The following TEX15 variants were observed in gnomAD, a reference collection of about 807,000 sequenced individuals.
The protein encoded by TEX15 is testis-expressed protein 15.
In TEX15, 171 loss-of-function variants were observed where a neutral mutation model predicts 237.3. The ratio of observed to expected loss-of-function variants is 0.72; its 90% CI spans 0.64 to 0.82. The LOEUF is 0.82. Among genes scored for constraint, TEX15 ranks in the 40% least tolerant of loss-of-function variants. TEX15 has a pLI of 0.00. For synonymous variants in TEX15, 1,338 were observed against 1,269.8 expected, an observed-to-expected ratio of 1.05 and a Z score of -1.14; for missense variants, 3,750 against 3,646.5, an observed-to-expected ratio of 1.03 and a Z score of -0.73.
intron 2 of TEX15, among the ~76,000 whole-genome samples, chr8:30,898,224 C>T (rs535304041): frequency 6.6e-6 from 1 of 152,236 alleles, no homozygotes; most frequent in South Asian, 2.1e-4. Flanking sequence ...CTCGTGCCCC[C>T]GTGAAACTCA....
At chr8:30,879,074 C>T (rs540395274) in intron 3 of TEX15, among the ~76,000 whole-genome samples, 32 of 151,694 alleles carry the variant, frequency 2.1e-4, no homozygotes, top group Middle Eastern at 3.4e-3. Context: ...TCAGTGTATT[C>T]TCTCTGGTGA....
rs765866577 is a variant in TEX15 at position 30,844,289 on chromosome 8, T to C, written c.5878A>G (p.Ile1960Val). Residue 1960 changes from isoleucine (I) to valine (V), a missense_variant, in exon 8 of 11, where the codon ATT (isoleucine) becomes GTT (valine). Coordinates refer to ENST00000643185, the MANE Select transcript of TEX15 (RefSeq NM_001350162.2). ...CAGGTTTCAGAGTGGGCAGGTAAAA[T>C]AGGCGTATGATTAACTCCTAGAATT... Reference protein sequence around the residue: ...PGILGVNHTPILPAHSETCKV... With the variant: ...PGILGVNHTPVLPAHSETCKV... 2.2e-5 allele frequency: 35 copies of C among 1,613,290 alleles called. No individual in the cohort carries two copies. The Admixed American group carries it at 2.8e-4, about 13-fold the overall frequency.
At chr8:30,856,223 G>C (rs184090631) in intron 7 of TEX15, among the ~76,000 whole-genome samples, 1 of 152,146 alleles carries the variant, frequency 6.6e-6, no homozygotes, top group East Asian at 2.0e-4. Context: ...TGGGATTACA[G>C]GCATAAGCCA....
rs1585274305 is a variant in TEX15 at position 30,831,998 on chromosome 8, A to C, written c.*1288T>G. 6.6e-6 allele frequency: 1 copy of C among 152,132 alleles called. No homozygotes were observed. Among genetic ancestry groups the C allele is most frequent in the Admixed American group, 6.5e-5 (1 of 15,270 alleles). 9.4% of individuals were successfully genotyped at this position (152,132 alleles called of 1,614,324 possible). A position where few individuals can be genotyped will look rare whatever the true frequency, so the allele number is the denominator to read the frequency against. On this transcript the variant is annotated 3_prime_UTR_variant, in exon 11 of 11. Transcript: ENST00000643185. ...ACTCTATCGTCTTTTCAAATCTCTT[A>C]CTTCTTTCGGTTACAGTTCTTTGCT...
chr8:30,841,225 T>C (rs1324088964), intron 8 of TEX15, among the ~76,000 whole-genome samples: 3 of 152,196 alleles, frequency 2.0e-5, no homozygotes, highest in South Asian at 4.1e-4. Flanking sequence ...CAGCTGCATA[T>C]AGGTTTCTTT....
intron 3 of TEX15, among the ~76,000 whole-genome samples, chr8:30,875,851 G>A (rs1432261989): frequency 6.6e-6 from 1 of 151,086 alleles, no homozygotes; most frequent in East Asian, 1.9e-4. Flanking sequence ...TCACTCAGTA[G>A]CCCAGGCTGG....
intron 3 of TEX15, among the ~76,000 whole-genome samples, chr8:30,877,231 T>C (rs1300096735): frequency 6.6e-6 from 1 of 152,186 alleles, no homozygotes; most frequent in Non-Finnish European, 1.5e-5. Context: ...GAGCCCTACG[T>C]GCATGTCTGT....
chr8:30,844,338 T>C lies in TEX15; in HGVS notation c.5829A>G (p.Glu1943=). ...DSQSDLTLHS[E]IAYISKPGIL... is the part of the protein sequence containing the mutation. ...TTCCTGGTTTGGAAATATAGGCTAT[T>C]TCTGAATGTAATGTCAAGTCAGACT... The change falls in exon 8 of 11, where the codon GAA becomes GAG. Residue 1943 remains glutamate (E), a synonymous_variant. Transcript: ENST00000643185. 6.2e-7 allele frequency: 1 copy of C among 1,612,550 alleles called. No individual in the cohort carries two copies. The highest frequency in any genetic ancestry group is 8.5e-7 in the Non-Finnish European group (1 of 1,179,378).
intron 9 of TEX15, among the ~76,000 whole-genome samples, chr8:30,838,821 T>A (rs1256015149): frequency 4.6e-5 from 4 of 86,840 alleles, no homozygotes; most frequent in Admixed American, 1.3e-4. Context: ...TATATATATA[T>A]GAATTTTTTT....
rs150927111 is a variant in TEX15, at chr8:30,848,020, C to T, written c.2147G>A (p.Ser716Asn). ...ATGCTTTTGTGACAGGCTCTCAAAACTTGGAGTAATTTGCCATTCCAATGC... is the reference window on the plus strand; with the variant it reads ...ATGCTTTTGTGACAGGCTCTCAAAATTTGGAGTAATTTGCCATTCCAATGC... ...HLALEWQITP[S>N]FESLSQKHPQ... is the part of the protein sequence containing the mutation. Residue 716 changes from serine (S) to asparagine (N), a missense_variant, in exon 8 of 11, where the codon AGT becomes AAT. Ser to Asn is a conservative substitution (Grantham distance 46). Coordinates refer to ENST00000643185, the MANE Select transcript of TEX15 (RefSeq NM_001350162.2). 160 of 1,613,858 alleles carry T rather than the reference C, an allele frequency of 9.9e-5. No individual in the cohort carries two copies. Among genetic ancestry groups the T allele is most frequent in the Non-Finnish European group, 7.2e-5 (85 of 1,179,944 alleles).
chr8:30,887,905 T>TTC, intron 2 of TEX15: 2 of 97,304 alleles, frequency 2.1e-5, no homozygotes, highest in Non-Finnish European at 4.0e-5. Context: ...TATATATATA[T>TTC]ATATATATAT....
At chr8:30,855,497 A>T (rs537873430) in intron 7 of TEX15, among the ~76,000 whole-genome samples, 2 of 152,186 alleles carry the variant, frequency 1.3e-5, no homozygotes, top group South Asian at 4.1e-4. Flanking sequence ...GCTGATGTGA[A>T]TTTAAATGGT....
chr8:30,888,314 C>A (rs1268965066), intron 2 of TEX15, among the ~76,000 whole-genome samples: 1 of 152,132 alleles, frequency 6.6e-6, no homozygotes, highest in Non-Finnish European at 1.5e-5. Context: ...GAAGAAACTT[C>A]AAAAAGTTGT....
intron 9 of TEX15, 98 bp from the exon 10 acceptor site, chr8:30,838,159 G>A: frequency 9.2e-7 from 1 of 1,086,584 alleles, no homozygotes; most frequent in Non-Finnish European, 1.3e-6. Flanking sequence ...CAGGGGAAGA[G>A]TTCTTAAGCT....
intron 1 of TEX15, among the ~76,000 whole-genome samples, chr8:30,903,060 C>A (rs1809035841): frequency 6.6e-6 from 1 of 152,162 alleles, no homozygotes; most frequent in Non-Finnish European, 1.5e-5. Context: ...AATCAACCAA[C>A]CTCCATTATG....
chr8:30,865,356 T>C (rs1292853082), intron 5 of TEX15, among the ~76,000 whole-genome samples: 1 of 152,176 alleles, frequency 6.6e-6, no homozygotes, highest in Non-Finnish European at 1.5e-5. Context: ...CAGGTCCTGA[T>C]GGCTTCACCA....
At chr8:30,909,826 G>T (rs1391447780) in intron 1 of TEX15, among the ~76,000 whole-genome samples, 1 of 152,090 alleles carries the variant, frequency 6.6e-6, no homozygotes, top group Non-Finnish European at 1.5e-5. Context: ...TAAACGGAAA[G>T]AAGATGAGGT....
intron 2 of TEX15, among the ~76,000 whole-genome samples, chr8:30,893,019 C>T (rs1369050753): frequency 7.5e-6 from 1 of 132,896 alleles, no homozygotes; most frequent in Non-Finnish European, 1.5e-5. Context: ...GGCGACAGAG[C>T]GAGACTCTGC....
chr8:30,839,492 T>C (rs1173309093), intron 9 of TEX15, among the ~76,000 whole-genome samples: 3 of 152,180 alleles, frequency 2.0e-5, no homozygotes, highest in African/African-American at 7.2e-5. Context: ...ATTTTAGAAG[T>C]CTTTTTTTGG....
Sources: allele counts gnomAD v4.1 joint callset (sites outside exome capture counted in the v4.1 genomes callset), GRCh38; gene constraint gnomAD v4.1.1; transcripts MANE v1.5; gene names NCBI Gene and HGNC (gene_info 2026-07-23, HGNC 2026-07-21).